The following CD84 variants were observed in gnomAD, a reference collection of about 807,000 sequenced individuals.
CD84 encodes the protein CD84 molecule.
Under a neutral mutation model 33.8 loss-of-function variants are expected in CD84, and 22 were observed. The observed-to-expected ratio is 0.65, with a 90% CI of 0.46 to 0.93. The LOEUF (loss-of-function observed/expected upper bound fraction) is 0.93, where lower values mean the gene tolerates loss of function less well. CD84 is among the 40% of genes least tolerant of loss of function. CD84 has a pLI of 0.00. For synonymous variants in CD84, 154 were observed against 145.2 expected (o/e 1.06, Z -0.44); for missense variants, 400 against 397.6 (o/e 1.01, Z -0.05).
intron 1 of CD84, among the ~76,000 whole-genome samples, chr1:160,568,025 C>T (rs986813884): frequency 6.6e-6 from 1 of 152,144 alleles, no homozygotes; most frequent in Non-Finnish European, 1.5e-5. Context: ...ATTATCTAGC[C>T]AGTCCTGGTC....
chr1:160,574,940 A>G (rs1240277403), intron 1 of CD84, among the ~76,000 whole-genome samples: 1 of 152,200 alleles, frequency 6.6e-6, no homozygotes, highest in Non-Finnish European at 1.5e-5. Flanking sequence ...CAAAGAGACT[A>G]AAATAACACC....
intron 2 of CD84, among the ~76,000 whole-genome samples, chr1:160,556,693 T>C (rs888075781): frequency 1.3e-5 from 2 of 152,218 alleles, no homozygotes; most frequent in African/African-American, 4.8e-5. Flanking sequence ...TCAATAAATG[T>C]TAGTTTCCTT....
At chr1:160,558,860 C>A (rs1416998028) in intron 2 of CD84, among the ~76,000 whole-genome samples, 1 of 151,918 alleles carries the variant, frequency 6.6e-6, no homozygotes, top group Non-Finnish European at 1.5e-5. Flanking sequence ...GCAGAACAGA[C>A]CAAGTGGAGG....
At chr1:160,575,043 A>C (rs1023275844) in intron 1 of CD84, among the ~76,000 whole-genome samples, 1 of 152,126 alleles carries the variant, frequency 6.6e-6, no homozygotes, top group Non-Finnish European at 1.5e-5. Context: ...AATGGGGAAG[A>C]CTGCACAGTT....
chr1:160,563,651 A>G (rs1657138068), intron 2 of CD84, among the ~76,000 whole-genome samples: 1 of 152,130 alleles, frequency 6.6e-6, no homozygotes, highest in South Asian at 2.1e-4. Context: ...CTTAATACCT[A>G]GATGATGGAA....
In CD84 at chr1:160,546,306, T is replaced by G. The variant is rs887495778; in HGVS notation, c.*1950A>C. 2 of 152,254 alleles carry G rather than the reference T, an allele frequency of 1.3e-5. No homozygotes were observed. Among genetic ancestry groups the G allele is most frequent in the African/African-American group, 4.8e-5 (2 of 41,468 alleles). The allele number at this position is 152,254 out of a possible 1,614,324, so 9.4% of individuals were successfully genotyped here. ...CCAGCCGGCTTCCGTTTATCTGTAA[T>G]TCCCACATGTACAATGTAGTGAGGA... On this transcript the variant is annotated 3_prime_UTR_variant, in exon 7 of 7. Coordinates refer to ENST00000368054, the MANE Select transcript of CD84 (RefSeq NM_003874.4).
chr1:160,555,735 G>A (rs549975578), intron 2 of CD84, among the ~76,000 whole-genome samples: 1 of 152,300 alleles, frequency 6.6e-6, no homozygotes, highest in Non-Finnish European at 1.5e-5. Flanking sequence ...ATGTGAGGAA[G>A]GGAATAGAGG....
At chr1:160,556,259 C>T (rs1189192701) in intron 2 of CD84, among the ~76,000 whole-genome samples, 1 of 152,140 alleles carries the variant, frequency 6.6e-6, no homozygotes, top group Non-Finnish European at 1.5e-5. Context: ...TCTTCATCCT[C>T]CCAAGCCAAG....
chr1:160,555,012 A>G (rs1038427826), intron 2 of CD84, among the ~76,000 whole-genome samples: 9 of 151,426 alleles, frequency 5.9e-5, no homozygotes, highest in Non-Finnish European at 4.4e-5. Context: ...TTTTATATAT[A>G]TATATGAATA....
chr1:160,565,591 G>A lies in CD84; in HGVS notation c.201C>T (p.Asp67=). The part of the protein sequence containing the change: ...KTSVAYVTPG[D]SETAPVVTVT... ...CAGTAACTACGGGTGCTGTTTCTGA[G>A]TCTCCTGGTGTTACATAAGCAACAG... Residue 67 remains aspartate (D), a synonymous_variant, in exon 2 of 7, where the codon GAC becomes GAT. Transcript: ENST00000368054. The A allele has an allele frequency of 1.2e-6, 2 of 1,613,984 alleles. No homozygotes were observed. Among genetic ancestry groups the A allele is most frequent in the Non-Finnish European group, 1.7e-6 (2 of 1,179,904 alleles).
intron 1 of CD84, among the ~76,000 whole-genome samples, chr1:160,573,455 C>T (rs148588021): frequency 7.6e-4 from 115 of 152,268 alleles, no homozygotes; most frequent in Non-Finnish European, 1.4e-3. Context: ...GCCTGATCTT[C>T]CCCTACTTCC....
At chr1:160,578,562 G>A (rs1028994762) in intron 1 of CD84, among the ~76,000 whole-genome samples, 21 of 152,114 alleles carry the variant, frequency 1.4e-4, no homozygotes, top group African/African-American at 4.8e-4. Flanking sequence ...TGCATTTTCA[G>A]AACTGGCAAG....
At position 160,542,282 on chromosome 1, in the gene CD84, T is replaced by C. The variant is rs1434216214; in HGVS notation, c.*5974A>G. ...TTTAATGTTTCTTATGGACTTTAAA[T>C]GAGTAAATGTAAAACAGGACAGGGA... is the stretch of plus-strand genomic sequence containing the variant. On this transcript the variant is annotated 3_prime_UTR_variant, in exon 7 of 7. Transcript: ENST00000368054. 1.3e-5 allele frequency: 2 copies of C among 152,244 alleles called. No individual in the cohort carries two copies. Among genetic ancestry groups the C allele is most frequent in the Non-Finnish European group, 2.9e-5 (2 of 68,038 alleles). 9.4% of individuals were successfully genotyped at this position (152,244 alleles called of 1,614,324 possible). A position where few individuals can be genotyped will look rare whatever the true frequency, so the allele number is the denominator to read the frequency against.
chr1:160,553,824 C>G (rs780686040), intron 3 of CD84, 71 bp downstream of exon 3: 3 of 1,608,628 alleles, frequency 1.9e-6, no homozygotes, highest in African/African-American at 2.7e-5. Flanking sequence ...GAATGTGGCC[C>G]ACGTTCAGAC....
At chr1:160,558,954 T>A (rs1656778230) in intron 2 of CD84, among the ~76,000 whole-genome samples, 1 of 152,058 alleles carries the variant, frequency 6.6e-6, no homozygotes, top group Non-Finnish European at 1.5e-5. Context: ...AAGGAATGAA[T>A]GAAACCTCCA....
intron 1 of CD84, among the ~76,000 whole-genome samples, chr1:160,576,466 G>T (rs1657997367): frequency 6.6e-6 from 1 of 152,160 alleles, no homozygotes; most frequent in Non-Finnish European, 1.5e-5. Context: ...TATTGGCAAG[G>T]ACCTGCCAAC....
Position 160,561,185 on chromosome 1 carries a change from T to C in CD84, c.388+4219A>G, listed in dbSNP as rs181809167. 2.7e-3 allele frequency among the ~76,000 whole-genome samples: 412 copies of C among 152,304 alleles called. 2 individuals carry two copies. Among genetic ancestry groups the C allele is most frequent in the Non-Finnish European group, 4.6e-3 (314 of 68,022 alleles). The stretch of plus-strand genomic sequence containing the variant: ...CATTCTGAGGCCATCATCATCCTGA[T>C]ACCAAAACCTGGTAGAGATAAAACC... On this transcript the variant is annotated intron_variant, in intron 2 of 6. Transcript: ENST00000368054.
In CD84 at chr1:160,550,992, T is replaced by G. The variant is rs1656177268; in HGVS notation, c.804A>C (p.Ser268=). 4 of 1,614,022 alleles carry G rather than the reference T, an allele frequency of 2.5e-6. No individual in the cohort carries two copies. The East Asian group carries it at 8.9e-5, about 36-fold the overall frequency. ...TGGACTCTGCTGGCTGGGTGTTCCT[T>G]GAAGCCATGATATATGTGTATATGG... is the stretch of plus-strand genomic sequence containing the variant. ...KKTIYTYIMA[S]RNTQPAESRI... Residue 268 remains serine, a synonymous_variant, in exon 5 of 7, where the codon TCA becomes TCC. Transcript: ENST00000368054.
chr1:160,572,820 CAGG>C (rs1657773379), intron 1 of CD84, among the ~76,000 whole-genome samples: 1 of 152,118 alleles, frequency 6.6e-6, no homozygotes, highest in Non-Finnish European at 1.5e-5. Flanking sequence ...CCCTGGGGTG[CAGG>C]CTTAGATGGA....
Sources: gnomAD v4.1 joint callset for allele counts (sites outside exome capture counted in the v4.1 genomes callset) on GRCh38, gnomAD v4.1.1 for gene constraint, MANE v1.5 for transcripts, NCBI Gene and HGNC (gene_info 2026-07-23, HGNC 2026-07-21) for gene names.